Variants in GALNT13 observed in about 807,000 individuals in gnomAD.
GALNT13 encodes UDP-GalNAc:polypeptide N-acetylgalactosaminyltransferase 13.
In GALNT13, 28 loss-of-function variants were observed where a neutral mutation model predicts 64.2. That is an observed-to-expected ratio of 0.44 (90% CI 0.32 to 0.60). GALNT13 has a LOEUF of 0.60. GALNT13 is among the 20% of genes least tolerant of loss of function. The pLI, the probability that GALNT13 is intolerant of heterozygous loss-of-function variation, is 0.05. For missense variants in GALNT13, 577 were observed against 669.8 expected (o/e 0.86, Z 1.53); for synonymous variants, 214 against 224.6 (o/e 0.95, Z 0.42).
the GALNT13 span, among the ~76,000 whole-genome samples, chr2:153,270,813 C>T: frequency 6.6e-6 from 1 of 152,126 alleles, no homozygotes; most frequent in Non-Finnish European, 1.5e-5. Context: ...GATGGTGCCA[C>T]TGCACTCAGC....
At chr2:154,117,281 C>G (rs1327043592) in intron 3 of GALNT13, among the ~76,000 whole-genome samples, 3 of 152,144 alleles carry the variant, frequency 2.0e-5, no homozygotes, top group Non-Finnish European at 2.9e-5. Context: ...AGTTGACACT[C>G]AGTCAACACT....
Position 154,452,836 on chromosome 2 carries a change from C to G in GALNT13, c.*2285C>G, listed in dbSNP as rs1475785273. The G allele has an allele frequency of 6.6e-6, 1 of 152,152 alleles. No individual in the cohort carries two copies. Among genetic ancestry groups the G allele is most frequent in the Admixed American group, 6.6e-5 (1 of 15,254 alleles). 9.4% of individuals were successfully genotyped at this position (152,152 alleles called of 1,614,324 possible). ...ACAAAAATGTTTATTGTCTTCAGTA[C>G]AAAAAGTTAAAACCATGATTGGATT... On this transcript the variant is annotated 3_prime_UTR_variant, in exon 13 of 13. Coordinates refer to ENST00000392825, the MANE Select transcript of GALNT13 (RefSeq NM_052917.4).
At chr2:154,061,874 A>G (rs1293484071) in intron 3 of GALNT13, among the ~76,000 whole-genome samples, 1 of 152,172 alleles carries the variant, frequency 6.6e-6, no homozygotes, top group Non-Finnish European at 1.5e-5. Flanking sequence ...CATTATTTAT[A>G]TTGTAAGTAG....
the GALNT13 span, among the ~76,000 whole-genome samples, chr2:153,559,625 G>A: frequency 6.6e-6 from 1 of 152,146 alleles, no homozygotes; most frequent in South Asian, 2.1e-4. Flanking sequence ...TTCTTCAATT[G>A]ACCAGTGCAT....
chr2:154,009,466 G>T (rs914059899), intron 3 of GALNT13, among the ~76,000 whole-genome samples: 1 of 150,590 alleles, frequency 6.6e-6, no homozygotes, highest in African/African-American at 2.4e-5. Context: ...GCTAGGAATA[G>T]CATTGAATCT....
chr2:153,538,310 CTTTTTTTTTTTAATTCTTTTT>C, the GALNT13 span, among the ~76,000 whole-genome samples: 1 of 64,552 alleles, frequency 1.5e-5, no homozygotes, highest in Admixed American at 1.3e-4. Flanking sequence ...AATTTCTTTT[CTTTTTTTTTTTAATTCTTTTT>C]TTTTTTTTTT....
the GALNT13 span, among the ~76,000 whole-genome samples, chr2:153,860,416 C>T: frequency 6.6e-6 from 1 of 150,914 alleles, no homozygotes; most frequent in African/African-American, 2.4e-5. Flanking sequence ...AGTTGCTTGA[C>T]TATTTAGGAC....
the GALNT13 span, among the ~76,000 whole-genome samples, chr2:153,525,137 C>A: frequency 2.0e-5 from 3 of 152,208 alleles, no homozygotes; most frequent in Admixed American, 2.0e-4. Context: ...TTCCTAGACA[C>A]AATCCTTGGC....
At chr2:153,117,692 A>T in the GALNT13 span, among the ~76,000 whole-genome samples, 1 of 152,126 alleles carries the variant, frequency 6.6e-6, no homozygotes, top group Non-Finnish European at 1.5e-5. Context: ...CCTAAATCCA[A>T]AGATACTCAA....
chr2:154,218,717 C>T lies in GALNT13; in HGVS notation c.312-23313C>T, dbSNP rs367671986. On this transcript the variant is annotated intron_variant, in intron 4 of 12. Coordinates refer to ENST00000392825, the MANE Select transcript of GALNT13 (RefSeq NM_052917.4). ...TCTTAGCCATATTTTCTCAGCATTA[C>T]GTTTCAAGCTCCTCCATAAGTTCCT... is the stretch of plus-strand genomic sequence containing the variant. 2.6e-5 allele frequency among the ~76,000 whole-genome samples: 4 copies of T among 152,170 alleles called. No individual in the cohort carries two copies. In the East Asian group the frequency reaches 5.8e-4, roughly 22 times the overall value.
chr2:153,629,601 G>A, the GALNT13 span, among the ~76,000 whole-genome samples: 152 of 152,194 alleles, frequency 1.0e-3, no homozygotes, highest in African/African-American at 3.5e-3. Flanking sequence ...AGGACTTCAT[G>A]TCTAAAACAC....
chr2:153,205,764 G>T, the GALNT13 span, among the ~76,000 whole-genome samples: 1 of 151,942 alleles, frequency 6.6e-6, no homozygotes, highest in East Asian at 1.9e-4. Flanking sequence ...CCTGAATGTT[G>T]ATTTATGTCT....
At chr2:153,306,354 T>C in the GALNT13 span, among the ~76,000 whole-genome samples, 1 of 152,198 alleles carries the variant, frequency 6.6e-6, no homozygotes, top group Non-Finnish European at 1.5e-5. Context: ...TGTGAATTAC[T>C]CATGTGCGAT....
rs955402789 is a variant in GALNT13 at position 154,079,263 on chromosome 2, G to A, written c.143-61074G>A. 7.3e-5 allele frequency among the ~76,000 whole-genome samples: 11 copies of A among 151,540 alleles called. No homozygotes were observed. In the East Asian group the frequency reaches 1.8e-3, roughly 24 times the overall value. ...TGAGATAAAATTTACAAATGGTATG[G>A]GATATCATTAAAAAGCTTTTAGAAA... On this transcript the variant is annotated intron_variant, in intron 3 of 12. Coordinates refer to ENST00000392825, the MANE Select transcript of GALNT13 (RefSeq NM_052917.4).
chr2:153,288,333 C>T, the GALNT13 span, among the ~76,000 whole-genome samples: 47 of 152,180 alleles, frequency 3.1e-4, no homozygotes, highest in African/African-American at 1.1e-3. Context: ...TTATGTGCAT[C>T]GGTAGTCTTG....
intron 9 of GALNT13, among the ~76,000 whole-genome samples, chr2:154,332,911 A>G (rs1553516316): frequency 6.6e-5 from 10 of 151,754 alleles, no homozygotes; most frequent in Non-Finnish European, 4.4e-5. Flanking sequence ...TAGAAACACA[A>G]AAAACCCATA....
At chr2:153,679,719 T>C in the GALNT13 span, among the ~76,000 whole-genome samples, 1 of 152,002 alleles carries the variant, frequency 6.6e-6, no homozygotes, top group Admixed American at 6.6e-5. Context: ...ATATCACGCT[T>C]TTACCAGTAA....
At chr2:153,740,952 GC>G in the GALNT13 span, among the ~76,000 whole-genome samples, 1 of 152,072 alleles carries the variant, frequency 6.6e-6, no homozygotes. Context: ...CAGTGTTTTA[GC>G]CTTTCTGTGC....
chr2:153,700,923 T>C, the GALNT13 span, among the ~76,000 whole-genome samples: 1 of 152,122 alleles, frequency 6.6e-6, no homozygotes, highest in Admixed American at 6.5e-5. Context: ...CTACCCAAAA[T>C]AATTTATAGA....
Sources: gnomAD v4.1 joint callset for allele counts (sites outside exome capture counted in the v4.1 genomes callset) on GRCh38, gnomAD v4.1.1 for gene constraint, MANE v1.5 for transcripts, NCBI Gene and HGNC (gene_info 2026-07-23, HGNC 2026-07-21) for gene names.